USP31: variants seen among roughly 807,000 people sequenced by gnomAD.
The protein encoded by USP31 is ubiquitin specific peptidase 31, also known as ubiquitin carboxyl-terminal hydrolase 31.
Under a neutral mutation model 119.4 loss-of-function variants are expected in USP31, and 44 were observed. That is an observed-to-expected ratio of 0.37 (90% CI 0.29 to 0.47). The LOEUF (loss-of-function observed/expected upper bound fraction) is 0.47. Ranked by LOEUF, USP31 falls within the 20% of genes least tolerant of loss-of-function variation. The pLI, the probability that USP31 is intolerant of heterozygous loss-of-function variation, is 0.99. For missense variants in USP31, 1,643 were observed against 1,730.2 expected (o/e 0.95, Z 0.89); for synonymous variants, 749 against 705.6 (o/e 1.06, Z -0.97).
chr16:23,149,148 G>T lies in USP31; in HGVS notation c.123C>A (p.Pro41=). The change falls in exon 1 of 16, where the codon CCC becomes CCA. Residue 41 remains proline, a synonymous_variant. Coordinates refer to ENST00000219689, the MANE Select transcript of USP31 (RefSeq NM_020718.4). ...GRAGGGGAGG[P]GASGPAAPSS... ...AAGGCGCGGCCGGCCCGGACGCCCC[G>T]GGGCCCCCCGCGCCGCCGCCGCCAG... The T allele has an allele frequency of 8.4e-7, 1 of 1,185,744 alleles. No homozygotes were observed. Among genetic ancestry groups the T allele is most frequent in the Non-Finnish European group, 1.1e-6 (1 of 951,208 alleles). The allele number at this position is 1,185,744 out of a possible 1,614,324, so 73.5% of individuals were successfully genotyped here.
At chr16:23,105,415 G>GT in intron 5 of USP31, 26 bp downstream of exon 5, 1 of 1,559,338 alleles carries the variant, frequency 6.4e-7, no homozygotes, top group Non-Finnish European at 8.7e-7. Context: ...TGGCTCATGT[G>GT]TAACTGGTCT....
At chr16:23,110,696 G>A (rs973752808) in intron 1 of USP31, among the ~76,000 whole-genome samples, 2 of 152,140 alleles carry the variant, frequency 1.3e-5, no homozygotes, top group African/African-American at 2.4e-5. Context: ...TGAGGCCTGG[G>A]ACTACTCTCC....
At chr16:23,125,060 A>G (rs1902806653) in intron 1 of USP31, among the ~76,000 whole-genome samples, 1 of 152,056 alleles carries the variant, frequency 6.6e-6, no homozygotes, top group Non-Finnish European at 1.5e-5. Flanking sequence ...CCTCTCTCCT[A>G]CCAGCATCCC....
rs1273470588 is a variant in USP31 at position 23,080,288 on chromosome 16, T to A, written c.1951-117A>T. 1.2e-5 allele frequency: 10 copies of A among 836,236 alleles called. No homozygotes were observed. In the East Asian group the frequency reaches 1.4e-4, roughly 11 times the overall value. 51.8% of individuals were successfully genotyped at this position (836,236 alleles called of 1,614,324 possible). ...AGCGGTGTGAGTTACCTATCTGATG[T>A]TTCCCAAGACATACAAATCAGGGAA... On this transcript the variant is annotated intron_variant, in intron 12 of 15. Coordinates refer to ENST00000219689, the MANE Select transcript of USP31 (RefSeq NM_020718.4).
intron 7 of USP31, among the ~76,000 whole-genome samples, chr16:23,089,707 CTG>C (rs1284544963): frequency 1.3e-5 from 2 of 152,196 alleles, no homozygotes; most frequent in African/African-American, 2.4e-5. Flanking sequence ...TACATTCCTA[CTG>C]TGACAGAGTT....
chr16:23,109,093 T>C lies in USP31; in HGVS notation c.634-910A>G, dbSNP rs527960990. ...AGGGAAGGCAATGAATCAGCTGAAGTTGGTATAAACTCCTATTTTCTTAAC... is the reference window on the plus strand; with the variant it reads ...AGGGAAGGCAATGAATCAGCTGAAGCTGGTATAAACTCCTATTTTCTTAAC... On this transcript the variant is annotated intron_variant, in intron 1 of 15. Coordinates refer to ENST00000219689, the MANE Select transcript of USP31 (RefSeq NM_020718.4). 4.6e-5 allele frequency among the ~76,000 whole-genome samples: 7 copies of C among 152,264 alleles called. No individual in the cohort carries two copies. In the South Asian group the frequency reaches 1.5e-3, roughly 32 times the overall value.
rs532307043 is a variant in USP31 at position 23,078,129 on chromosome 16, T to C, written c.2176+1817A>G. ...GAGATCGAGACCATCCTGGCCAACA[T>C]GGTGAAACCCCGTCTCTATTAAAAA... On this transcript the variant is annotated intron_variant, in intron 13 of 15. Coordinates refer to ENST00000219689, the MANE Select transcript of USP31 (RefSeq NM_020718.4). 1.5e-4 allele frequency among the ~76,000 whole-genome samples: 23 copies of C among 151,946 alleles called. No individual in the cohort carries two copies. The East Asian group carries it at 2.5e-3, about 17-fold the overall frequency.
intron 9 of USP31, among the ~76,000 whole-genome samples, chr16:23,086,412 T>C (rs1403230075): frequency 3.0e-5 from 4 of 134,552 alleles, no homozygotes; most frequent in Non-Finnish European, 6.9e-5. Context: ...TGTGTATATA[T>C]GTATATTATT....
intron 1 of USP31, among the ~76,000 whole-genome samples, chr16:23,129,911 G>A (rs1484400593): frequency 1.3e-5 from 2 of 152,200 alleles, no homozygotes; most frequent in African/African-American, 2.4e-5. Flanking sequence ...AAGTGGGAGG[G>A]TATAGGGCAC....
intron 1 of USP31, among the ~76,000 whole-genome samples, chr16:23,115,373 G>A (rs1902456056): frequency 1.3e-5 from 2 of 152,198 alleles, no homozygotes; most frequent in African/African-American, 2.4e-5. Context: ...AAAATAGAAT[G>A]TGGGCCAGGT....
At chr16:23,125,863 A>G (rs774209717) in intron 1 of USP31, among the ~76,000 whole-genome samples, 1 of 152,240 alleles carries the variant, frequency 6.6e-6, no homozygotes, top group African/African-American at 2.4e-5. Context: ...ACCTTCAAAT[A>G]AAGAAAGCGT....
At position 23,148,874 on chromosome 16, in the gene USP31, G is replaced by A; in HGVS notation, c.397C>T (p.His133Tyr). ...GCGTTCATGAAGCACGTGTTGCCGT[G>A]GTTGCGGAGCCCCGCCACGCCGGGC... Reference protein sequence around the residue: ...PVPGVAGLRNHGNTCFMNATL... With the variant: ...PVPGVAGLRNYGNTCFMNATL... Residue 133 changes from histidine (H) to tyrosine (Y), a missense_variant, in exon 1 of 16, where the codon CAC becomes TAC. Physicochemically the swap from His to Tyr is moderately conservative, Grantham distance 83. Around this residue, in one of 5 missense-constraint regions of USP31, gnomAD observed 302 missense variants for 262.6 expected, o/e 1.15. Coordinates refer to ENST00000219689, the MANE Select transcript of USP31 (RefSeq NM_020718.4). 2 of 1,481,054 alleles carry A rather than the reference G, an allele frequency of 1.4e-6. No individual in the cohort carries two copies. Among genetic ancestry groups the A allele is most frequent in the Non-Finnish European group, 1.8e-6 (2 of 1,109,858 alleles). 91.7% of individuals were successfully genotyped at this position (1,481,054 alleles called of 1,614,324 possible). A position where few individuals can be genotyped will look rare whatever the true frequency, so the allele number is the denominator to read the frequency against.
chr16:23,131,010 C>G (rs752942686), intron 1 of USP31, among the ~76,000 whole-genome samples: 2 of 152,136 alleles, frequency 1.3e-5, no homozygotes, highest in African/African-American at 4.8e-5. Flanking sequence ...CTATACCCGT[C>G]AAGACATTTA....
chr16:23,087,044 A>T, intron 9 of USP31, 48 bp downstream of exon 9: 1 of 1,360,990 alleles, frequency 7.3e-7, no homozygotes, highest in Non-Finnish European at 1.0e-6. Context: ...ATCACACATG[A>T]ATATGTGTGA....
rs146442004 is a variant in USP31, at chr16:23,072,994, T to C, written c.2335+728A>G. 1.7e-4 allele frequency among the ~76,000 whole-genome samples: 26 copies of C among 152,174 alleles called. No homozygotes were observed. In the East Asian group the frequency reaches 4.8e-3, roughly 28 times the overall value. On this transcript the variant is annotated intron_variant, in intron 14 of 15. Transcript: ENST00000219689. ...AAGCTTCAAGAGAAGCAAGGATTCA[T>C]AGCCCCTAACCTGATTGCACATCAC...
intron 1 of USP31, among the ~76,000 whole-genome samples, chr16:23,119,969 G>A (rs552712751): frequency 3.9e-5 from 6 of 152,216 alleles, no homozygotes; most frequent in South Asian, 2.1e-4. Flanking sequence ...ATCCTTCCCC[G>A]CACAACTTAA....
In USP31 at chr16:23,087,714, G is replaced by T. The variant is rs1277950283; in HGVS notation, c.1527+10C>A. 3.7e-6 allele frequency: 6 copies of T among 1,611,378 alleles called. No homozygotes were observed. The East Asian group carries it at 1.3e-4, about 36-fold the overall frequency. ...CCATGCTATGCTGGAATATCAAAAT[G>T]CTTACAAACCTGAATGCAAACCGTG... On this transcript the variant is annotated intron_variant, in intron 8 of 15. Coordinates refer to ENST00000219689, the MANE Select transcript of USP31 (RefSeq NM_020718.4).
chr16:23,127,710 C>A (rs1176231924), intron 1 of USP31, among the ~76,000 whole-genome samples: 2 of 150,164 alleles, frequency 1.3e-5, no homozygotes, highest in East Asian at 3.9e-4. Context: ...GAACTCCTGA[C>A]CTCGTGATCC....
At position 23,063,309 on chromosome 16, in the gene USP31, C is replaced by T. The variant is rs1240000359; in HGVS notation, c.*4737G>A. On this transcript the variant is annotated 3_prime_UTR_variant, in exon 16 of 16. Transcript: ENST00000219689. ...ACAACACTCCCAGAAATTCCATGGGCTTAGTCTAATTGTGATCAGTGGCTG... is the reference window on the plus strand; with the variant it reads ...ACAACACTCCCAGAAATTCCATGGGTTTAGTCTAATTGTGATCAGTGGCTG... 6.6e-6 allele frequency: 1 copy of T among 152,290 alleles called. No homozygotes were observed. The highest frequency in any genetic ancestry group is 1.9e-4 in the East Asian group (1 of 5,198). 9.4% of individuals were successfully genotyped at this position (152,290 alleles called of 1,614,324 possible).
Sources: gnomAD v4.1 joint callset for allele counts (sites outside exome capture counted in the v4.1 genomes callset) on GRCh38, gnomAD v4.1.1 for gene constraint, gnomAD v4.1.1 regional missense constraint, MANE v1.5 for transcripts, NCBI Gene and HGNC (gene_info 2026-07-23, HGNC 2026-07-21) for gene names.